The following TJP3 variants were observed in gnomAD, a reference collection of about 807,000 sequenced individuals.
The protein encoded by TJP3 is tight junction protein ZO-3.
In TJP3, 85 loss-of-function variants were observed where a neutral mutation model predicts 104.2. The ratio of observed to expected loss-of-function variants is 0.82; its 90% CI spans 0.68 to 0.98. TJP3 has a LOEUF of 0.98. Ranked by LOEUF, TJP3 falls within the 50% of genes least tolerant of loss-of-function variation. The probability of loss-of-function intolerance (pLI) is 0.00; values close to 1 mark genes in which losing one functional copy is unlikely to be tolerated. For missense variants in TJP3, 1,367 were observed against 1,322.8 expected (o/e 1.03, Z -0.52); for synonymous variants, 550 against 550.6 (o/e 1.00, Z 0.02).
At chr19:3,710,966 C>T (rs925866139) in intron 1 of TJP3, among the ~76,000 whole-genome samples, 2 of 151,928 alleles carry the variant, frequency 1.3e-5, no homozygotes, top group East Asian at 2.0e-4. Context: ...TGCGGTGGCG[C>T]GATCTCGGCT....
chr19:3,730,837 T>C lies in TJP3; in HGVS notation c.613+131T>C, dbSNP rs2036662884. On this transcript the variant is annotated intron_variant, in intron 5 of 20. Coordinates refer to ENST00000541714, the MANE Select transcript of TJP3 (RefSeq NM_001267560.2). The surrounding 1 kb of genome is among the most constrained non-coding windows in gnomAD (Gnocchi z 7.3). ...CTGGGACTCCAGGCGCCCGCCACCA[T>C]GCCTGGCTAATTTTTGTACTTTTGG... is the stretch of plus-strand genomic sequence containing the variant. The C allele has an allele frequency of 6.2e-6, 6 of 969,328 alleles. No homozygotes were observed. The highest frequency in any genetic ancestry group is 8.9e-6 in the Non-Finnish European group (6 of 676,686). The allele number at this position is 969,328 out of a possible 1,614,324, so 60.0% of individuals were successfully genotyped here. A position where few individuals can be genotyped will look rare whatever the true frequency, so the allele number is the denominator to read the frequency against.
Position 3,725,805 on chromosome 19 carries a change from A to T in TJP3, c.-9-2619A>T, listed in dbSNP as rs548667996. Among the ~76,000 whole-genome samples the T allele has an allele frequency of 2.6e-5, 4 of 152,172 alleles. No homozygotes were observed. In the South Asian group the frequency reaches 8.3e-4, roughly 32 times the overall value. ...GCATTGAATCTGTACCCTTTTCCCAAACCACATCCCTGCAAGACAGGGCAG... is the reference window on the plus strand; with the variant it reads ...GCATTGAATCTGTACCCTTTTCCCATACCACATCCCTGCAAGACAGGGCAG... On this transcript the variant is annotated intron_variant, in intron 1 of 20. Transcript: ENST00000541714.
intron 3 of TJP3, among the ~76,000 whole-genome samples, chr19:3,728,944 T>G (rs1162617417): frequency 6.6e-6 from 1 of 152,112 alleles, no homozygotes; most frequent in Non-Finnish European, 1.5e-5. Flanking sequence ...TCCCAGCTAC[T>G]CGGGAGGCTG....
chr19:3,731,872 G>GCACCCGTCTCC, intron 5 of TJP3, 63 bp from the exon 6 acceptor site: 1 of 1,432,272 alleles, frequency 7.0e-7, no homozygotes, highest in Non-Finnish European at 9.7e-7. Flanking sequence ...CTTACAGCAG[G>GCACCCGTCTCC]AGAATGCTCC....
chr19:3,746,028 G>A lies in TJP3; in HGVS notation c.1957G>A (p.Asp653Asn), dbSNP rs751690349. The change falls in exon 16 of 21, where the codon GAC (aspartate) becomes AAC (asparagine). Residue 653 changes from aspartate (D) to asparagine (N), a missense_variant. Coordinates refer to ENST00000541714, the MANE Select transcript of TJP3 (RefSeq NM_001267560.2). The surrounding 1 kb of genome is among the most constrained non-coding windows in gnomAD (Gnocchi z 4.1). ...FEIAETVSRTDSPSKIIKLDT... is the reference protein window; with the variant it reads ...FEIAETVSRTNSPSKIIKLDT... ...GTCCACAGAGACTGTGTCCAGGACC[G>A]ACAGCCCCTCCAAGATCATCAAACT... 1.4e-4 allele frequency: 223 copies of A among 1,608,546 alleles called. No homozygotes were observed. Among genetic ancestry groups the A allele is most frequent in the Non-Finnish European group, 1.8e-4 (207 of 1,177,392 alleles).
intron 1 of TJP3, among the ~76,000 whole-genome samples, chr19:3,719,073 A>G (rs1337278556): frequency 2.0e-5 from 3 of 151,872 alleles, no homozygotes; most frequent in Non-Finnish European, 4.4e-5. Context: ...AGTCCCAGCT[A>G]CTCAGGAGGC....
intron 15 of TJP3, among the ~76,000 whole-genome samples, chr19:3,745,779 G>C (rs1310434164): frequency 1.3e-5 from 2 of 152,196 alleles, no homozygotes; most frequent in Non-Finnish European, 2.9e-5. Flanking sequence ...CTGCCACATA[G>C]GCCAGTACCA....
intron 1 of TJP3, among the ~76,000 whole-genome samples, chr19:3,711,465 C>T (rs56336526): frequency 0.72 from 107,915 of 150,794 alleles, 38,955 homozygotes; most frequent in East Asian, 1. Context: ...TCCCAAAGTG[C>T]TGGGATTACA....
intron 1 of TJP3, among the ~76,000 whole-genome samples, chr19:3,712,495 C>T (rs985055328): frequency 6.6e-6 from 1 of 152,156 alleles, no homozygotes; most frequent in African/African-American, 2.4e-5. Flanking sequence ...GATGCTTAAA[C>T]CTTTGAGCCT....
At chr19:3,738,398 A>AACTT (rs2036765815) in intron 11 of TJP3, among the ~76,000 whole-genome samples, 157 bp from the exon 12 acceptor site, 2 of 152,202 alleles carry the variant, frequency 1.3e-5, no homozygotes, top group Admixed American at 1.3e-4. Flanking sequence ...CCATAGGGTG[A>AACTT]TACCCCAGTC....
At chr19:3,715,917 T>C (rs970727245) in intron 1 of TJP3, among the ~76,000 whole-genome samples, 7 of 151,908 alleles carry the variant, frequency 4.6e-5, no homozygotes, top group African/African-American at 1.7e-4. Context: ...TAGCTGGGAT[T>C]ACAGGCACCC....
chr19:3,716,215 G>T (rs2145664829), intron 1 of TJP3, among the ~76,000 whole-genome samples: 2 of 148,270 alleles, frequency 1.3e-5, no homozygotes, highest in Middle Eastern at 6.9e-3. Context: ...AGGGATTACA[G>T]GTGCCTGTCA....
chr19:3,736,425 G>T, intron 11 of TJP3, 104 bp downstream of exon 11: 1 of 1,200,790 alleles, frequency 8.3e-7, no homozygotes, highest in African/African-American at 1.5e-5. Flanking sequence ...CCTGGGGACT[G>T]TCGAGACCCC....
chr19:3,746,625 C>A lies in TJP3; in HGVS notation c.2151C>A (p.Ser717=). 6.2e-7 allele frequency: 1 copy of A among 1,613,186 alleles called. No homozygotes were observed. Among genetic ancestry groups the A allele is most frequent in the Non-Finnish European group, 8.5e-7 (1 of 1,179,834 alleles). ...KALRQWLAPA[S]RRSTRRLYAQ... ...TGCGCCAGTGGCTGGCGCCTGCCTC[C>A]CGCCGCAGCACCCGTCGCCTCTACG... is the stretch of plus-strand genomic sequence containing the variant. The change falls in exon 17 of 21, where the codon TCC becomes TCA. Residue 717 remains serine, a synonymous_variant. Coordinates refer to ENST00000541714, the MANE Select transcript of TJP3 (RefSeq NM_001267560.2). The surrounding 1 kb of genome is among the most constrained non-coding windows in gnomAD (Gnocchi z 4.1).
chr19:3,747,427 C>G lies in TJP3; in HGVS notation c.2323-367C>G, dbSNP rs927890425. On this transcript the variant is annotated intron_variant, in intron 18 of 20. Transcript: ENST00000541714. ...GCTCACGCCCATGGTCCCAGCTACT[C>G]AGGAGGCTGAGGCAGGAGAATCACT... is the stretch of plus-strand genomic sequence containing the variant. Among the ~76,000 whole-genome samples the G allele has an allele frequency of 3.3e-5, 5 of 151,988 alleles. No homozygotes were observed. The South Asian group carries it at 1.0e-3, about 32-fold the overall frequency.
intron 1 of TJP3, among the ~76,000 whole-genome samples, chr19:3,713,134 T>A (rs1203211621): frequency 6.6e-6 from 1 of 152,012 alleles, no homozygotes; most frequent in Non-Finnish European, 1.5e-5. Context: ...GAGACGTTCT[T>A]CAGCCCTCCA....
rs77647239 is a variant in TJP3, at chr19:3,746,219, G to T, written c.2010+138G>T. The T allele has an allele frequency of 2.1e-6, 2 of 947,916 alleles. No individual in the cohort carries two copies. Among genetic ancestry groups the T allele is most frequent in the East Asian group, 5.3e-5 (2 of 37,876 alleles). The allele number at this position is 947,916 out of a possible 1,614,324, so 58.7% of individuals were successfully genotyped here. A position where few individuals can be genotyped will look rare whatever the true frequency, so the allele number is the denominator to read the frequency against. The stretch of plus-strand genomic sequence containing the variant: ...CCATAGAGCCCCTTTTGGAGGCTTT[G>T]TGAGGCAGGAGGCCCGAGACAGACA... On this transcript the variant is annotated intron_variant, in intron 16 of 20. Coordinates refer to ENST00000541714, the MANE Select transcript of TJP3 (RefSeq NM_001267560.2). This position sits in a 1 kb window ranked among gnomAD's most constrained non-coding sequence, Gnocchi z 4.1.
chr19:3,721,962 TGGGGG>T, intron 1 of TJP3: 1 of 448,858 alleles, frequency 2.2e-6, no homozygotes, highest in Non-Finnish European at 3.5e-6. Flanking sequence ...TGAGGTGGGG[TGGGGG>T]GAAAGCAGGG....
chr19:3,714,326 C>T (rs1490755483), intron 1 of TJP3, among the ~76,000 whole-genome samples: 2 of 151,632 alleles, frequency 1.3e-5, no homozygotes, highest in African/African-American at 2.4e-5. Flanking sequence ...ATTACAGGCA[C>T]GTGCCACTAC....
Sources: allele counts gnomAD v4.1 joint callset (sites outside exome capture counted in the v4.1 genomes callset), GRCh38; gene constraint gnomAD v4.1.1; non-coding constraint Gnocchi (gnomAD v3.1); transcripts MANE v1.5; gene names NCBI Gene and HGNC (gene_info 2026-07-23, HGNC 2026-07-21).